Variants in RBFOX1 observed in about 807,000 individuals in gnomAD.
RBFOX1 encodes RNA binding protein fox-1 homolog 1.
In RBFOX1, 8 loss-of-function variants were observed where a neutral mutation model predicts 57.7. That is an observed-to-expected ratio of 0.14 (90% CI 0.08 to 0.25). The LOEUF is 0.25. Among genes scored for constraint, RBFOX1 ranks in the 10% least tolerant of loss-of-function variants. The pLI, the probability that RBFOX1 is intolerant of heterozygous loss-of-function variation, is 1.00. For synonymous variants in RBFOX1, 326 were observed against 222.4 expected (o/e 1.47, Z -4.15); for missense variants, 611 against 548.5 (o/e 1.11, Z -1.14).
chr16:6,003,824 C>T (rs1353681508), intron 4 of RBFOX1, among the ~76,000 whole-genome samples: 1 of 150,458 alleles, frequency 6.6e-6, no homozygotes, highest in East Asian at 1.9e-4. Flanking sequence ...GGGTCTGTGC[C>T]CCCCAACTGA....
intron 2 of RBFOX1, among the ~76,000 whole-genome samples, chr16:6,511,226 C>G (rs552273165): frequency 2.6e-5 from 4 of 152,196 alleles, no homozygotes; most frequent in East Asian, 3.9e-4. Flanking sequence ...TACTCTGATA[C>G]TCAGATGTGT....
At chr16:6,149,134 G>C (rs984404872) in intron 1 of RBFOX1, among the ~76,000 whole-genome samples, 1 of 152,212 alleles carries the variant, frequency 6.6e-6, no homozygotes, top group Non-Finnish European at 1.5e-5. Flanking sequence ...AGTCATTAAG[G>C]TTTCTCATTT....
chr16:7,409,318 C>G (rs1360937057), intron 4 of RBFOX1, among the ~76,000 whole-genome samples: 1 of 152,212 alleles, frequency 6.6e-6, no homozygotes, highest in Admixed American at 6.5e-5. Context: ...TAACAGTTCA[C>G]TGGAGCAGAA....
chr16:5,662,967 T>C (rs1254843083), intron 3 of RBFOX1, among the ~76,000 whole-genome samples: 1 of 152,192 alleles, frequency 6.6e-6, no homozygotes, highest in Non-Finnish European at 1.5e-5. Flanking sequence ...TATCTATGAT[T>C]ATCTGTAGTG....
intron 3 of RBFOX1, among the ~76,000 whole-genome samples, chr16:6,936,422 C>G (rs1451930175): frequency 6.6e-6 from 1 of 152,126 alleles, no homozygotes; most frequent in Admixed American, 6.5e-5. Context: ...TAGATAACAC[C>G]TAATTGGATG....
intron 4 of RBFOX1, among the ~76,000 whole-genome samples, chr16:7,189,554 AACAC>A (rs779531861): frequency 0.053 from 7,222 of 135,766 alleles, 235 homozygotes; most frequent in South Asian, 0.11. Flanking sequence ...TGTCCCCCAA[AACAC>A]ACACACACAC....
chr16:6,979,249 C>G (rs76938936), intron 3 of RBFOX1, among the ~76,000 whole-genome samples: 10,587 of 152,184 alleles, frequency 0.07, 430 homozygotes, highest in South Asian at 0.18. Flanking sequence ...GAGAAAAATA[C>G]AGTTAAATAG....
chr16:5,501,041 C>T (rs980868233), intron 2 of RBFOX1, among the ~76,000 whole-genome samples: 5 of 152,068 alleles, frequency 3.3e-5, no homozygotes, highest in African/African-American at 9.7e-5. Context: ...CACGGCCAGG[C>T]GCGGTGTTTC....
intron 3 of RBFOX1, among the ~76,000 whole-genome samples, chr16:6,686,669 A>G (rs1383041704): frequency 2.6e-5 from 4 of 152,142 alleles, no homozygotes; most frequent in Non-Finnish European, 4.4e-5. Flanking sequence ...ACACAAAGGT[A>G]AGCATTTTCT....
chr16:6,433,249 A>T (rs577047612), intron 2 of RBFOX1, among the ~76,000 whole-genome samples: 1 of 152,360 alleles, frequency 6.6e-6, no homozygotes, highest in African/African-American at 2.4e-5. Flanking sequence ...GAAGTCATAG[A>T]GAAAGACAAG....
intron 4 of RBFOX1, among the ~76,000 whole-genome samples, chr16:7,290,130 A>G (rs1330111821): frequency 6.6e-6 from 1 of 152,232 alleles, no homozygotes; most frequent in East Asian, 1.9e-4. Flanking sequence ...ATGTTACAGA[A>G]AATTCCATCT....
intron 3 of RBFOX1, among the ~76,000 whole-genome samples, chr16:6,921,645 A>ATATTTT (rs910975670): frequency 1.3e-4 from 7 of 55,294 alleles, no homozygotes; most frequent in African/African-American, 4.4e-4. Context: ...ATATATATAT[A>ATATTTT]TTTTTTTTTT....
At chr16:5,618,882 C>T (rs1034348753) in intron 3 of RBFOX1, among the ~76,000 whole-genome samples, 4 of 152,162 alleles carry the variant, frequency 2.6e-5, no homozygotes, top group Non-Finnish European at 5.9e-5. Context: ...AACCCAGCTT[C>T]CTGTTGCTGC....
chr16:6,865,439 A>G (rs1275248008), intron 3 of RBFOX1, among the ~76,000 whole-genome samples: 1 of 152,188 alleles, frequency 6.6e-6, no homozygotes, highest in East Asian at 1.9e-4. Flanking sequence ...AGTGTGTGCC[A>G]TGGGGATATT....
intron 5 of RBFOX1, among the ~76,000 whole-genome samples, chr16:7,569,960 T>A (rs1007402731): frequency 2.0e-5 from 3 of 152,216 alleles, no homozygotes; most frequent in African/African-American, 7.2e-5. Context: ...GTTTGGGGGA[T>A]CCTTCACATG....
intron 1 of RBFOX1, among the ~76,000 whole-genome samples, chr16:5,305,339 T>C (rs1179835279): frequency 1.3e-5 from 2 of 152,132 alleles, no homozygotes; most frequent in Non-Finnish European, 2.9e-5. Context: ...TAGAGATTCT[T>C]CCCATGGAGT....
In RBFOX1 at chr16:5,424,931, C is replaced by G. The variant is rs1371701994; in HGVS notation, c.220-42285C>G. ...TCTTTCTTTCTTTCTTTCTTTCTTT[C>G]TTTCTCTCTCTTCTTTCTTCCTTTG... On this transcript the variant is annotated intron_variant, in intron 1 of 2. Coordinates refer to the RBFOX1 transcript ENST00000585867. Among the ~76,000 whole-genome samples the G allele has an allele frequency of 1.4e-3, 114 of 83,822 alleles. 1 individual carries two copies. The highest frequency in any genetic ancestry group is 1.8e-3 in the Non-Finnish European group (75 of 41,544). 55.0% of individuals were successfully genotyped at this position (83,822 alleles called of 152,430 possible). A position where few individuals can be genotyped will look rare whatever the true frequency, so the allele number is the denominator to read the frequency against.
At chr16:5,339,342 C>G (rs919743175) in intron 1 of RBFOX1, among the ~76,000 whole-genome samples, 14 of 152,028 alleles carry the variant, frequency 9.2e-5, no homozygotes, top group Admixed American at 5.2e-4. Context: ...TAAACTAGTT[C>G]AGTGGGTTTC....
Position 6,675,289 on chromosome 16 carries a change from G to A in RBFOX1, c.-16+20639G>A, listed in dbSNP as rs139573646. Among the ~76,000 whole-genome samples, 621 of 152,236 alleles carry A rather than the reference G, an allele frequency of 4.1e-3. 4 individuals are homozygous for A. The highest frequency in any genetic ancestry group is 0.013 in the African/African-American group (556 of 41,550). ...TAACATATTTCCATGTCTGAAAATC[G>A]AGGGATATCTGGCTTTAGGTATGCC... On this transcript the variant is annotated intron_variant, in intron 3 of 15. Transcript: ENST00000550418.
Sources: gnomAD v4.1 joint callset for allele counts (sites outside exome capture counted in the v4.1 genomes callset) on GRCh38, gnomAD v4.1.1 for gene constraint, MANE v1.5 for transcripts, NCBI Gene and HGNC (gene_info 2026-07-23, HGNC 2026-07-21) for gene names.